The following USH2A variants were observed in gnomAD, a reference collection of about 807,000 sequenced individuals.
USH2A encodes the protein Usher syndrome 2A (autosomal recessive, mild).
Under a neutral mutation model 538.9 loss-of-function variants are expected in USH2A, and 443 were observed. The ratio of observed to expected loss-of-function variants is 0.82; its 90% CI spans 0.76 to 0.89. The LOEUF (loss-of-function observed/expected upper bound fraction) is 0.89. Among genes scored for constraint, USH2A ranks in the 40% least tolerant of loss-of-function variants. USH2A has a pLI of 0.00. For missense variants in USH2A, 6,633 were observed against 6,324.8 expected, an observed-to-expected ratio of 1.05 and a Z score of -1.65; for synonymous variants, 2,413 against 2,273.5, an observed-to-expected ratio of 1.06 and a Z score of -1.75.
intron 44 of USH2A, among the ~76,000 whole-genome samples, chr1:215,854,376 G>GCA (rs1664100449): frequency 1.3e-5 from 2 of 152,074 alleles, no homozygotes; most frequent in Non-Finnish European, 2.9e-5. Flanking sequence ...TGAGATTTGG[G>GCA]TGGGGATACA....
rs756964501 is a variant in USH2A at position 216,097,093 on chromosome 1, A to G, written c.4748T>C (p.Phe1583Ser). The G allele has an allele frequency of 2.5e-6, 4 of 1,613,978 alleles. No homozygotes were observed. The highest frequency in any genetic ancestry group is 1.1e-5 in the South Asian group (1 of 91,062). ...TGATTTCTCATTTACCTGAGGATCA[A>G]AAAGAAAATAAAGACGTCCCTTCTT... ...QLKKGRLYFLFDPQGSPVEVT... is the reference protein window; with the variant it reads ...QLKKGRLYFLSDPQGSPVEVT... The change falls in exon 22 of 72, where the codon TTT becomes TCT. Residue 1583 changes from phenylalanine (F) to serine (S), a missense_variant. Transcript: ENST00000307340.
In USH2A at chr1:215,722,459, T is replaced by C. The variant is rs557185040; in HGVS notation, c.12066+5571A>G. On this transcript the variant is annotated intron_variant, in intron 61 of 71. Coordinates refer to ENST00000307340, the MANE Select transcript of USH2A (RefSeq NM_206933.4). ...AATGAAAATGGGATTAAAAATAAAT[T>C]TATCAATTTACTCACACACTCTTCA... 4.6e-5 allele frequency among the ~76,000 whole-genome samples: 7 copies of C among 152,264 alleles called. No individual in the cohort carries two copies. The South Asian group carries it at 6.2e-4, about 14-fold the overall frequency.
intron 49 of USH2A, among the ~76,000 whole-genome samples, chr1:215,809,780 AAAAAAAT>A (rs1056160527): frequency 1.3e-4 from 20 of 152,132 alleles, no homozygotes; most frequent in African/African-American, 4.8e-4. Context: ...AGTCATGAGA[AAAAAAAT>A]AAAGTACGTA....
chr1:215,714,742 A>G (rs1300072078), intron 61 of USH2A, among the ~76,000 whole-genome samples: 1 of 152,234 alleles, frequency 6.6e-6, no homozygotes, highest in Non-Finnish European at 1.5e-5. Flanking sequence ...TGTTTATAAC[A>G]TCTTAGAAGA....
At chr1:215,777,490 T>G (rs1661498373) in intron 55 of USH2A, among the ~76,000 whole-genome samples, 1 of 152,242 alleles carries the variant, frequency 6.6e-6, no homozygotes, top group Admixed American at 6.5e-5. Flanking sequence ...ATCACAATTA[T>G]TGTGAAACCT....
Position 216,325,598 on chromosome 1 carries a change from C to T in USH2A, c.850G>A (p.Glu284Lys). 1 of 1,612,766 alleles carries T rather than the reference C, an allele frequency of 6.2e-7. No homozygotes were observed. The highest frequency in any genetic ancestry group is 8.5e-7 in the Non-Finnish European group (1 of 1,179,446). Reference protein sequence around the residue: ...RLYQVALTNREILEVFSGDLL... With the variant: ...RLYQVALTNRKILEVFSGDLL... The stretch of plus-strand genomic sequence containing the variant: ...TCTCCAGAGAAGACTTCCAGAATCT[C>T]TCTGTGGGAGTCAAGAGGGAGACTG... Residue 284 changes from glutamate to lysine, a missense_variant and splice_region_variant, in exon 6 of 72, where the codon GAG (glutamate) becomes AAG (lysine). Coordinates refer to ENST00000307340, the MANE Select transcript of USH2A (RefSeq NM_206933.4).
Position 216,043,752 on chromosome 1 carries a change from G to A in USH2A, c.6325+2679C>T, listed in dbSNP as rs1024793160. On this transcript the variant is annotated intron_variant, in intron 32 of 71. Coordinates refer to ENST00000307340, the MANE Select transcript of USH2A (RefSeq NM_206933.4). ...ACTGCCCTTTTTCCGGTTTTGTCCA[G>A]TGTAACCTCATATGGAGTTCTGTAC... Among the ~76,000 whole-genome samples the A allele has an allele frequency of 2.6e-5, 4 of 152,190 alleles. No individual in the cohort carries two copies. In the East Asian group the frequency reaches 7.7e-4, roughly 29 times the overall value.
intron 9 of USH2A, among the ~76,000 whole-genome samples, chr1:216,299,701 T>C (rs1427598990): frequency 6.6e-6 from 1 of 152,160 alleles, no homozygotes; most frequent in Admixed American, 6.6e-5. Context: ...TGTTTCAGTT[T>C]TAAATTACAC....
At chr1:215,952,487 C>T (rs1166029296) in intron 37 of USH2A, among the ~76,000 whole-genome samples, 14 of 152,180 alleles carry the variant, frequency 9.2e-5, no homozygotes, top group Admixed American at 9.2e-4. Flanking sequence ...ATGGTCTTTA[C>T]AATTTGGCAT....
intron 32 of USH2A, among the ~76,000 whole-genome samples, chr1:216,041,907 T>C (rs2102520934): frequency 6.6e-6 from 1 of 152,150 alleles, no homozygotes; most frequent in Admixed American, 6.6e-5. Flanking sequence ...ACAACTTTCC[T>C]GGAATAATGT....
At chr1:215,696,700 C>A (rs1422700823) in intron 61 of USH2A, among the ~76,000 whole-genome samples, 3 of 152,122 alleles carry the variant, frequency 2.0e-5, no homozygotes, top group Non-Finnish European at 2.9e-5. Flanking sequence ...CCCCTGCTCT[C>A]ATTTATCAGC....
chr1:216,075,736 G>A (rs1293850727), intron 27 of USH2A, among the ~76,000 whole-genome samples: 1 of 152,074 alleles, frequency 6.6e-6, no homozygotes, highest in Admixed American at 6.6e-5. Flanking sequence ...ATTCTAAGAA[G>A]ATAAACTCTC....
chr1:216,408,349 C>A (rs971230702), intron 3 of USH2A, among the ~76,000 whole-genome samples: 1 of 152,108 alleles, frequency 6.6e-6, no homozygotes, highest in Admixed American at 6.6e-5. Flanking sequence ...ATATATTGCG[C>A]ATACAGTAGT....
At chr1:215,939,505 T>C (rs1474187599) in intron 37 of USH2A, among the ~76,000 whole-genome samples, 2 of 152,110 alleles carry the variant, frequency 1.3e-5, no homozygotes, top group Non-Finnish European at 2.9e-5. Flanking sequence ...GTTAACAATA[T>C]TAATGCCCCT....
chr1:216,329,421 C>A (rs1378163997), intron 4 of USH2A, among the ~76,000 whole-genome samples: 2 of 152,054 alleles, frequency 1.3e-5, no homozygotes, highest in Non-Finnish European at 2.9e-5. Context: ...ACAGCAAAGC[C>A]ATTGTGTGCC....
In USH2A at chr1:216,420,340, T is replaced by C. The variant is rs1445330399; in HGVS notation, c.485+1512A>G. On this transcript the variant is annotated intron_variant, in intron 2 of 71. Coordinates refer to ENST00000307340, the MANE Select transcript of USH2A (RefSeq NM_206933.4). ...TTGCTTGTAAACATACTAGCTTTGG[T>C]AGATAATAAATGTGAGAGGAAGGCA... Among the ~76,000 whole-genome samples the C allele has an allele frequency of 3.3e-5, 5 of 152,122 alleles. No individual in the cohort carries two copies. In the East Asian group the frequency reaches 9.6e-4, roughly 29 times the overall value.
At chr1:216,083,723 A>G in intron 25 of USH2A, 137 bp from the exon 26 acceptor site, 1 of 872,650 alleles carries the variant, frequency 1.1e-6, no homozygotes, top group East Asian at 2.6e-5. Context: ...ATGTTAAGAA[A>G]TTCCTTTTGT....
rs767435169 is a variant in USH2A, at chr1:216,073,152, C to G, written c.5721G>C (p.Leu1907=). The G allele has an allele frequency of 1.9e-6, 3 of 1,613,808 alleles. No individual in the cohort carries two copies. The highest frequency in any genetic ancestry group is 2.5e-6 in the Non-Finnish European group (3 of 1,179,946). ...CACTCTGCTCTTTTCCCTGGTAAAC[C>G]AGGATGGAGTCATTTCCCCTGCAGT... ...AVNCRGNDSI[L]VYQGKEQSVY... Residue 1907 remains leucine (L), a synonymous_variant, in exon 28 of 72, where the codon CTG becomes CTC. Coordinates refer to ENST00000307340, the MANE Select transcript of USH2A (RefSeq NM_206933.4).
intron 16 of USH2A, among the ~76,000 whole-genome samples, chr1:216,205,655 G>A (rs116153417): frequency 7.2e-5 from 11 of 152,148 alleles, no homozygotes; most frequent in Non-Finnish European, 1.5e-4. Flanking sequence ...TTTCGACAGA[G>A]CTTTAAACAG....
Sources: allele counts gnomAD v4.1 joint callset (sites outside exome capture counted in the v4.1 genomes callset), GRCh38; gene constraint gnomAD v4.1.1; transcripts MANE v1.5; gene names NCBI Gene and HGNC (gene_info 2026-07-23, HGNC 2026-07-21).